HCN2: variants seen among roughly 807,000 people sequenced by gnomAD.
HCN2 encodes the protein hyperpolarization activated cyclic nucleotide gated potassium and sodium channel 2.
In HCN2, 20 loss-of-function variants were observed where a neutral mutation model predicts 52.3. The observed-to-expected ratio is 0.38, with a 90% CI of 0.27 to 0.56. The LOEUF is 0.56. Ranked by LOEUF, HCN2 falls within the 20% of genes least tolerant of loss-of-function variation. The pLI is 0.71. For synonymous variants in HCN2, 694 were observed against 537.0 expected, an observed-to-expected ratio of 1.29 and a Z score of -4.04; for missense variants, 981 against 1,207.7, an observed-to-expected ratio of 0.81 and a Z score of 2.78.
In HCN2 at chr19:603,823, C is replaced by A. The variant is rs755366627; in HGVS notation, c.912C>A (p.Ile304=). ...TGTCCTCCATCCCCGTGGACTACAT[C>A]TTCCTTATCGTGGAGAAGGGCATTG... ...DFVSSIPVDY[I]FLIVEKGIDS... The change falls in exon 2 of 8, where the codon ATC becomes ATA. Residue 304 remains isoleucine (I), a synonymous_variant. Transcript: ENST00000251287. 52 of 1,612,776 alleles carry A rather than the reference C, an allele frequency of 3.2e-5. No homozygotes were observed. The highest frequency in any genetic ancestry group is 4.1e-5 in the Non-Finnish European group (48 of 1,179,880).
At chr19:615,615 T>C (rs1363191500) in intron 7 of HCN2, among the ~76,000 whole-genome samples, 180 bp from the exon 8 acceptor site, 6 of 152,224 alleles carry the variant, frequency 3.9e-5, no homozygotes, top group Non-Finnish European at 7.3e-5. Context: ...AGGTACTCAA[T>C]ATCCATACTA....
chr19:615,914 C>G lies in HCN2; in HGVS notation c.2110C>G (p.Gln704Glu), dbSNP rs763333305. ...IVKYDREMVQ[Q>E]AELGQRVGLF... ...CAAGTACGACCGCGAGATGGTGCAG[C>G]AGGCCGAGCTGGGTCAGCGCGTGGG... The change falls in exon 8 of 8, where the codon CAG becomes GAG. Residue 704 changes from glutamine (Q) to glutamate (E), a missense_variant. Coordinates refer to ENST00000251287, the MANE Select transcript of HCN2 (RefSeq NM_001194.4). 1.2e-6 allele frequency: 2 copies of G among 1,612,284 alleles called. No individual in the cohort carries two copies. Among genetic ancestry groups the G allele is most frequent in the South Asian group, 2.2e-5 (2 of 91,042 alleles).
In HCN2 at chr19:590,681, CCGGT is replaced by C; in HGVS notation, c.632+105_632+108del. 1.1e-6 allele frequency: 1 copy of C among 918,624 alleles called. No homozygotes were observed. The highest frequency in any genetic ancestry group is 1.4e-6 in the Non-Finnish European group (1 of 707,730). 56.9% of individuals were successfully genotyped at this position (918,624 alleles called of 1,614,324 possible). ...GGGGAGGGCGGGGCGGCGCGCCGGG[CCGGT>C]GACCTCGGGGCTCCTCGGTGACCTC... is the stretch of plus-strand genomic sequence containing the variant. On this transcript the variant is annotated intron_variant, in intron 1 of 7. Coordinates refer to ENST00000251287, the MANE Select transcript of HCN2 (RefSeq NM_001194.4). This position sits in a 1 kb window ranked among gnomAD's most constrained non-coding sequence, Gnocchi z 7.2.
Position 617,021 on chromosome 19 carries a change from C to T in HCN2, c.*547C>T, listed in dbSNP as rs1218763328. The stretch of plus-strand genomic sequence containing the variant: ...GAGAGGCAGGCCTGGCTGCGCAGGG[C>T]GCGGGGGGGAGGCTGGGGTCCCGCC... On this transcript the variant is annotated 3_prime_UTR_variant, in exon 8 of 8. Coordinates refer to ENST00000251287, the MANE Select transcript of HCN2 (RefSeq NM_001194.4). The T allele has an allele frequency of 1.9e-6, 1 of 515,070 alleles. No homozygotes were observed. Among genetic ancestry groups the T allele is most frequent in the East Asian group, 3.4e-5 (1 of 29,740 alleles). The allele number at this position is 515,070 out of a possible 1,614,324, so 31.9% of individuals were successfully genotyped here. A position where few individuals can be genotyped will look rare whatever the true frequency, so the allele number is the denominator to read the frequency against.
rs1199254032 is a variant in HCN2 at position 589,962 on chromosome 19, G to T, written c.17G>T (p.Gly6Val). MDARG[G>V]GGRPGESPGA... ...CGCCTCGCCATGGACGCGCGCGGGG[G>T]CGGCGGGCGGCCCGGGGAGAGCCCG... The change falls in exon 1 of 8, where the codon GGC (glycine) becomes GTC (valine). Residue 6 changes from glycine (G) to valine (V), a missense_variant. This residue lies in a region of HCN2 where 215 missense variants were observed against 179.4 expected (regional missense o/e 1.20). Transcript: ENST00000251287. The T allele has an allele frequency of 2.1e-5, 19 of 917,726 alleles. No individual in the cohort carries two copies. The highest frequency in any genetic ancestry group is 5.6e-4 in the Middle Eastern group (1 of 1,794). The allele number at this position is 917,726 out of a possible 1,614,324, so 56.8% of individuals were successfully genotyped here. A position where few individuals can be genotyped will look rare whatever the true frequency, so the allele number is the denominator to read the frequency against.
At chr19:612,992 C>T (rs764952279) in intron 5 of HCN2, among the ~76,000 whole-genome samples, 10 of 152,194 alleles carry the variant, frequency 6.6e-5, no homozygotes, top group Non-Finnish European at 1.2e-4. Flanking sequence ...CTTTCCACCG[C>T]TCTTGTCTAC....
chr19:592,446 C>A lies in HCN2; in HGVS notation c.632+1869C>A, dbSNP rs557680127. On this transcript the variant is annotated intron_variant, in intron 1 of 7. Transcript: ENST00000251287. This position sits in a 1 kb window ranked among gnomAD's most constrained non-coding sequence, Gnocchi z 4.8. ...GGAGTGAAGCCCTCTCATCCTTCCACCCTCCTTGGGCGTGGTCGCCTGGAG... is the reference window on the plus strand; with the variant it reads ...GGAGTGAAGCCCTCTCATCCTTCCAACCTCCTTGGGCGTGGTCGCCTGGAG... Among the ~76,000 whole-genome samples, 1 of 152,264 alleles carries A rather than the reference C, an allele frequency of 6.6e-6. No individual in the cohort carries two copies. Among genetic ancestry groups the A allele is most frequent in the East Asian group, 1.9e-4 (1 of 5,168 alleles).
At chr19:607,595 G>A (rs190590032) in intron 3 of HCN2, among the ~76,000 whole-genome samples, 2 of 152,216 alleles carry the variant, frequency 1.3e-5, no homozygotes, top group African/African-American at 4.8e-5. Flanking sequence ...CCGGCCTGGT[G>A]TCTCTGCCCG....
At chr19:613,190 G>A (rs529055748) in intron 5 of HCN2, 58 bp from the exon 6 acceptor site, 6 of 1,545,208 alleles carry the variant, frequency 3.9e-6, no homozygotes, top group Non-Finnish European at 5.2e-6. Context: ...CAGAGGCAGG[G>A]CGAGGGGGAA....
chr19:590,271 G>C lies in HCN2; in HGVS notation c.326G>C (p.Cys109Ser). The change falls in exon 1 of 8, where the codon TGC becomes TCC. Residue 109 changes from cysteine to serine, a missense_variant. Coordinates refer to ENST00000251287, the MANE Select transcript of HCN2 (RefSeq NM_001194.4). The surrounding 1 kb of genome is among the most constrained non-coding windows in gnomAD (Gnocchi z 7.2). ...NGECGRGEPQCSPAGPEGPAR... is the reference protein window; with the variant it reads ...NGECGRGEPQSSPAGPEGPAR... ...GAGTGCGGGCGCGGCGAGCCGCAGT[G>C]CAGCCCCGCGGGGCCCGAGGGCCCG... 2.0e-6 allele frequency: 2 copies of C among 987,832 alleles called. No homozygotes were observed. The highest frequency in any genetic ancestry group is 2.4e-6 in the Non-Finnish European group (2 of 833,628). The allele number at this position is 987,832 out of a possible 1,614,324, so 61.2% of individuals were successfully genotyped here. A position where few individuals can be genotyped will look rare whatever the true frequency, so the allele number is the denominator to read the frequency against.
At chr19:612,920 T>A (rs1035001253) in intron 5 of HCN2, among the ~76,000 whole-genome samples, 1 of 151,584 alleles carries the variant, frequency 6.6e-6, no homozygotes, top group African/African-American at 2.4e-5. Context: ...GCTCAAGCGA[T>A]CCTCCCGCCT....
chr19:616,055 G>A lies in HCN2; in HGVS notation c.2251G>A (p.Ala751Thr), dbSNP rs913772024. 3.3e-6 allele frequency: 4 copies of A among 1,195,516 alleles called. No individual in the cohort carries two copies. The highest frequency in any genetic ancestry group is 3.2e-5 in the African/African-American group (2 of 62,178). 74.1% of individuals were successfully genotyped at this position (1,195,516 alleles called of 1,614,324 possible). A position where few individuals can be genotyped will look rare whatever the true frequency, so the allele number is the denominator to read the frequency against. ...QVARPLVGPL[A>T]LGSPRLVRRP... ...GGCGCGGCCGCTCGTGGGGCCGCTG[G>A]CGCTCGGCTCGCCGCGCCTCGTGCG... The change falls in exon 8 of 8, where the codon GCG becomes ACG. Residue 751 changes from alanine (A) to threonine (T), a missense_variant. Around this residue, in one of 6 missense-constraint regions of HCN2, gnomAD observed 368 missense variants for 314.8 expected, o/e 1.17. Coordinates refer to ENST00000251287, the MANE Select transcript of HCN2 (RefSeq NM_001194.4).
rs1281801617 is a variant in HCN2 at position 615,860 on chromosome 19, C to A, written c.2056C>A (p.Gln686Lys). Residue 686 changes from glutamine (Q) to lysine (K), a missense_variant, in exon 8 of 8, where the codon CAG (glutamine) becomes AAG (lysine). By Grantham distance (53) the Gln-to-Lys change is moderately conservative (BLOSUM62 1). This residue lies in a region of HCN2 where 368 missense variants were observed against 314.8 expected (regional missense o/e 1.17). Transcript: ENST00000251287. Reference protein sequence around the residue: ...HDLNSGVFNNQENAIIQEIVK... With the variant: ...HDLNSGVFNNKENAIIQEIVK... ...CCTCAACTCGGGCGTATTCAACAAC[C>A]AGGAGAACGCCATCATCCAGGAGAT... 1 of 1,613,128 alleles carries A rather than the reference C, an allele frequency of 6.2e-7. No individual in the cohort carries two copies. The highest frequency in any genetic ancestry group is 1.1e-5 in the South Asian group (1 of 91,042).
At position 592,928 on chromosome 19, in the gene HCN2, C is replaced by T. The variant is rs537283323; in HGVS notation, c.632+2351C>T. Among the ~76,000 whole-genome samples the T allele has an allele frequency of 2.0e-5, 3 of 152,296 alleles. No homozygotes were observed. The highest frequency in any genetic ancestry group is 1.3e-4 in the Admixed American group (2 of 15,308). ...CCTGGCTGGGTGTCTTGGGTCCTCG[C>T]TGGGCCCCTCTGCCTCAGTTTCCCC... On this transcript the variant is annotated intron_variant, in intron 1 of 7. Transcript: ENST00000251287. This position sits in a 1 kb window ranked among gnomAD's most constrained non-coding sequence, Gnocchi z 4.8.
chr19:604,673 G>A (rs1213560892), intron 2 of HCN2, among the ~76,000 whole-genome samples: 22 of 105,510 alleles, frequency 2.1e-4, no homozygotes, highest in South Asian at 1.2e-3. Context: ...GCTGGGCGGG[G>A]TCAGGCAGCA....
In HCN2 at chr19:592,722, CCAGTGTGGAAT is replaced by C. The variant is rs2144502542; in HGVS notation, c.632+2156_632+2166del. On this transcript the variant is annotated intron_variant, in intron 1 of 7. Coordinates refer to ENST00000251287, the MANE Select transcript of HCN2 (RefSeq NM_001194.4). This position sits in a 1 kb window ranked among gnomAD's most constrained non-coding sequence, Gnocchi z 4.8. ...ACCCTCCCCAGGCTTGGGACCTGTG[CCAGTGTGGAAT>C]CAGTGTGGAAAAAGACCCCCAAGAA... is the stretch of plus-strand genomic sequence containing the variant. 6.6e-6 allele frequency among the ~76,000 whole-genome samples: 1 copy of C among 152,240 alleles called. No individual in the cohort carries two copies. Among genetic ancestry groups the C allele is most frequent in the Admixed American group, 6.5e-5 (1 of 15,302 alleles).
chr19:612,057 A>AT (rs1157121057), intron 5 of HCN2, among the ~76,000 whole-genome samples: 1 of 152,086 alleles, frequency 6.6e-6, no homozygotes, highest in Non-Finnish European at 1.5e-5. Context: ...AGACAGGAGA[A>AT]TCGCTTGAAC....
intron 4 of HCN2, 85 bp downstream of exon 4, chr19:608,267 C>T: frequency 7.7e-7 from 1 of 1,299,346 alleles, no homozygotes; most frequent in East Asian, 2.4e-5. Context: ...AGGCCAGGCC[C>T]TGGGGTCTGA....
intron 6 of HCN2, 22 bp from the exon 7 acceptor site, chr19:613,830 C>T (rs539619894): frequency 2.4e-5 from 37 of 1,520,532 alleles, no homozygotes; most frequent in Admixed American, 8.8e-5. Flanking sequence ...TCCAGCAACC[C>T]CCCCCTGCGC....
Sources: allele counts gnomAD v4.1 joint callset (sites outside exome capture counted in the v4.1 genomes callset), GRCh38; gene constraint gnomAD v4.1.1; regional missense constraint gnomAD v4.1.1; non-coding constraint Gnocchi (gnomAD v3.1); transcripts MANE v1.5; gene names NCBI Gene and HGNC (gene_info 2026-07-23, HGNC 2026-07-21).